BMPR1B: variants seen among roughly 807,000 people sequenced by gnomAD.
The protein encoded by BMPR1B is bone morphogenetic protein receptor type-1B.
BMPR1B carries 12 observed loss-of-function variants against 59.1 expected under a neutral mutation model. That is an observed-to-expected ratio of 0.20 (90% CI 0.13 to 0.33). The LOEUF (loss-of-function observed/expected upper bound fraction) is 0.33. Ranked by LOEUF, BMPR1B falls within the 10% of genes least tolerant of loss-of-function variation. BMPR1B has a pLI of 1.00. For synonymous variants in BMPR1B, 237 were observed against 207.3 expected, an observed-to-expected ratio of 1.14 and a Z score of -1.23; for missense variants, 550 against 610.9, an observed-to-expected ratio of 0.90 and a Z score of 1.05.
intron 3 of BMPR1B, among the ~76,000 whole-genome samples, chr4:95,100,460 C>A (rs557146295): frequency 1.3e-4 from 19 of 151,826 alleles, no homozygotes; most frequent in Non-Finnish European, 2.5e-4. Context: ...TCTTTCTCTC[C>A]CTCACTTTTC....
In BMPR1B at chr4:94,910,661, A is replaced by G. The variant is rs918050264; in HGVS notation, c.-113+34761A>G. On this transcript the variant is annotated intron_variant, in intron 2 of 12. Coordinates refer to ENST00000515059, the MANE Select transcript of BMPR1B (RefSeq NM_001203.3). The stretch of plus-strand genomic sequence containing the variant: ...GGTGGCTTATGCCTGTAATCCCAGT[A>G]CTTTGAGAGGCCCAGGCAGGAGAAT... Among the ~76,000 whole-genome samples the G allele has an allele frequency of 3.3e-5, 5 of 152,166 alleles. No individual in the cohort carries two copies. The East Asian group carries it at 9.7e-4, about 30-fold the overall frequency.
intron 11 of BMPR1B, 25 bp from the exon 12 acceptor site, chr4:95,152,618 A>AATG: frequency 6.7e-7 from 1 of 1,498,414 alleles, no homozygotes; most frequent in East Asian, 2.5e-5. Context: ...TAATAATAAT[A>AATG]ATAATAGTAA....
chr4:94,894,619 G>C (rs920656857), intron 2 of BMPR1B, among the ~76,000 whole-genome samples: 1 of 151,820 alleles, frequency 6.6e-6, no homozygotes, highest in African/African-American at 2.4e-5. Context: ...TTTGCATATT[G>C]TTCCCAATAG....
intron 2 of BMPR1B, among the ~76,000 whole-genome samples, chr4:94,933,109 T>A (rs1204160931): frequency 6.6e-6 from 1 of 152,074 alleles, no homozygotes; most frequent in Non-Finnish European, 1.5e-5. Flanking sequence ...ATATAATGCT[T>A]TTTATATAAT....
intron 11 of BMPR1B, among the ~76,000 whole-genome samples, chr4:95,152,260 TAATAGA>T (rs1459024036): frequency 6.6e-6 from 1 of 152,154 alleles, no homozygotes; most frequent in African/African-American, 2.4e-5. Flanking sequence ...CATACTATAG[TAATAGA>T]AACAGTCACA....
chr4:94,793,020 T>C (rs970713296), intron 1 of BMPR1B, among the ~76,000 whole-genome samples: 1 of 152,172 alleles, frequency 6.6e-6, no homozygotes, highest in Non-Finnish European at 1.5e-5. Flanking sequence ...TTTTCTTTTT[T>C]TTTATTATTA....
At chr4:94,917,507 A>T (rs1243793637) in intron 2 of BMPR1B, among the ~76,000 whole-genome samples, 1 of 152,160 alleles carries the variant, frequency 6.6e-6, no homozygotes, top group African/African-American at 2.4e-5. Flanking sequence ...TTAAGATTTA[A>T]CGACTGCCCT....
chr4:94,966,155 T>G (rs1481364625), intron 2 of BMPR1B, among the ~76,000 whole-genome samples: 5 of 152,170 alleles, frequency 3.3e-5, no homozygotes, highest in Non-Finnish European at 4.4e-5. Context: ...AATAACACAA[T>G]TTTGTTGGAT....
chr4:94,892,367 G>A (rs999832047), intron 2 of BMPR1B, among the ~76,000 whole-genome samples: 4 of 152,030 alleles, frequency 2.6e-5, no homozygotes, highest in Non-Finnish European at 5.9e-5. Flanking sequence ...TTATATACGT[G>A]TTAAAGTTAG....
At chr4:94,939,744 G>A (rs899347740) in intron 2 of BMPR1B, among the ~76,000 whole-genome samples, 21 of 152,134 alleles carry the variant, frequency 1.4e-4, no homozygotes, top group African/African-American at 4.8e-4. Context: ...TTTAGGGATA[G>A]CGATTATATT....
chr4:95,075,611 A>G (rs545434867), intron 3 of BMPR1B, among the ~76,000 whole-genome samples: 18 of 152,234 alleles, frequency 1.2e-4, no homozygotes, highest in African/African-American at 3.8e-4. Flanking sequence ...AACACAGTCA[A>G]TTATTTCCAT....
At chr4:94,901,451 C>T (rs80167433) in intron 2 of BMPR1B, among the ~76,000 whole-genome samples, 177 of 151,864 alleles carry the variant, frequency 1.2e-3, no homozygotes, top group African/African-American at 3.7e-3. Flanking sequence ...TGAGAGGGCC[C>T]GAGAGACCGG....
chr4:94,861,839 T>G (rs924594689), intron 1 of BMPR1B, among the ~76,000 whole-genome samples: 3 of 152,196 alleles, frequency 2.0e-5, no homozygotes, highest in Admixed American at 6.5e-5. Context: ...AGTTGTGCAT[T>G]TAGTTAATAG....
intron 1 of BMPR1B, among the ~76,000 whole-genome samples, chr4:94,822,140 G>A (rs1425710031): frequency 1.3e-5 from 2 of 152,222 alleles, no homozygotes; most frequent in Non-Finnish European, 2.9e-5. Flanking sequence ...ATCTCATGGT[G>A]GAAGGTGGAT....
chr4:95,139,187 C>T (rs571625393), intron 10 of BMPR1B, among the ~76,000 whole-genome samples: 53 of 152,180 alleles, frequency 3.5e-4, no homozygotes, highest in Admixed American at 7.9e-4. Flanking sequence ...CCACTCCAGA[C>T]CCTGTTTGCC....
chr4:94,973,837 C>G (rs932816684), intron 2 of BMPR1B, among the ~76,000 whole-genome samples: 2 of 152,088 alleles, frequency 1.3e-5, no homozygotes, highest in Non-Finnish European at 2.9e-5. Context: ...AGTGATTACT[C>G]TTTGATTATG....
At chr4:94,940,332 G>A (rs1046241905) in intron 2 of BMPR1B, among the ~76,000 whole-genome samples, 1 of 151,970 alleles carries the variant, frequency 6.6e-6, no homozygotes, top group African/African-American at 2.4e-5. Context: ...TTTTTTTTAA[G>A]CTCACCACAG....
At chr4:94,836,568 G>A (rs1264487604) in intron 1 of BMPR1B, among the ~76,000 whole-genome samples, 2 of 146,704 alleles carry the variant, frequency 1.4e-5, no homozygotes, top group Non-Finnish European at 3.0e-5. Context: ...TTTGAGAAGT[G>A]TCTGTTCATA....
At chr4:94,816,937 T>G (rs1246617828) in intron 1 of BMPR1B, among the ~76,000 whole-genome samples, 1 of 152,154 alleles carries the variant, frequency 6.6e-6, no homozygotes, top group Non-Finnish European at 1.5e-5. Context: ...TTAATGTGAT[T>G]ATATTAAGAT....
Sources: allele counts gnomAD v4.1 joint callset (sites outside exome capture counted in the v4.1 genomes callset), GRCh38; gene constraint gnomAD v4.1.1; transcripts MANE v1.5; gene names NCBI Gene and HGNC (gene_info 2026-07-23, HGNC 2026-07-21).